Variants in NEMP2 observed in about 807,000 individuals in gnomAD.
The protein encoded by NEMP2 is UPF0571 transmembrane protein.
NEMP2 carries 53 observed loss-of-function variants against 54.2 expected under a neutral mutation model. The observed-to-expected ratio is 0.98, with a 90% CI of 0.78 to 1.23. NEMP2 has a LOEUF of 1.23. Among genes scored for constraint, NEMP2 ranks in the 50% most tolerant of loss-of-function variants. The pLI, the probability that NEMP2 is intolerant of heterozygous loss-of-function variation, is 0.00. For synonymous variants in NEMP2, 197 were observed against 190.3 expected, an observed-to-expected ratio of 1.04 and a Z score of -0.29; for missense variants, 455 against 511.3, an observed-to-expected ratio of 0.89 and a Z score of 1.06.
chr2:190,524,262 C>A (rs1369558506), intron 2 of NEMP2, among the ~76,000 whole-genome samples: 1 of 151,930 alleles, frequency 6.6e-6, no homozygotes, highest in African/African-American at 2.4e-5. Flanking sequence ...TGATAAATAT[C>A]ATCATGATTA....
the NEMP2 span, among the ~76,000 whole-genome samples, chr2:190,440,567 A>G: frequency 2.0e-5 from 3 of 152,246 alleles, no homozygotes; most frequent in African/African-American, 7.2e-5. Context: ...GAGTAGGATT[A>G]TAATCAAAAT....
chr2:190,518,759 GAAAAGA>G lies in NEMP2; in HGVS notation c.489_494del (p.Leu164_Phe165del). 6.5e-7 allele frequency: 1 copy of G among 1,543,550 alleles called. No homozygotes were observed. The highest frequency in any genetic ancestry group is 1.7e-4 in the Middle Eastern group (1 of 5,914). ...ACTGACTCAGGGTCCTTGCATAAAA[GAAAAGA>G]AAAACTCCTGCCACAAACACAAGGA... On this transcript the variant is annotated inframe_deletion, in exon 4 of 9. Coordinates refer to ENST00000409150, the MANE Select transcript of NEMP2 (RefSeq NM_001142645.2).
chr2:190,538,273 G>A (rs532386464), upstream of NEMP2, among the ~76,000 whole-genome samples: 1 of 152,012 alleles, frequency 6.6e-6, no homozygotes, highest in Admixed American at 6.6e-5. The surrounding 1 kb of genome is among the most constrained non-coding windows in gnomAD (Gnocchi z 4.1). Context: ...GTGACCTCCA[G>A]TTCCATCCAT....
chr2:190,482,583 A>T, the NEMP2 span, among the ~76,000 whole-genome samples: 1 of 152,066 alleles, frequency 6.6e-6, no homozygotes, highest in African/African-American at 2.4e-5. Context: ...GTACTGTGTC[A>T]GTTCTCACTC....
chr2:190,632,807 C>T, the NEMP2 span, among the ~76,000 whole-genome samples: 2 of 152,166 alleles, frequency 1.3e-5, no homozygotes, highest in African/African-American at 4.8e-5. This position sits in a 1 kb window ranked among gnomAD's most constrained non-coding sequence, Gnocchi z 4.8. Context: ...AAAAAAAAAT[C>T]CATGACCAAG....
chr2:190,612,492 G>A, the NEMP2 span, among the ~76,000 whole-genome samples: 1 of 151,864 alleles, frequency 6.6e-6, no homozygotes, highest in African/African-American at 2.4e-5. Context: ...TTTACTTTAG[G>A]ACAAGAATTT....
the NEMP2 span, chr2:190,489,939 C>A: frequency 1.5e-6 from 2 of 1,298,308 alleles, no homozygotes; most frequent in Admixed American, 2.1e-5. This position sits in a 1 kb window ranked among gnomAD's most constrained non-coding sequence, Gnocchi z 6.6. Flanking sequence ...CCCCGAGAAG[C>A]CTAGAAGTGG....
the NEMP2 span, among the ~76,000 whole-genome samples, chr2:190,566,614 A>T: frequency 2.6e-5 from 4 of 151,254 alleles, no homozygotes; most frequent in Non-Finnish European, 4.4e-5. Context: ...GAAAGAAAAT[A>T]AAAAAGAAAG....
At chr2:190,489,172 T>C in the NEMP2 span, among the ~76,000 whole-genome samples, 3 of 152,344 alleles carry the variant, frequency 2.0e-5, no homozygotes, top group East Asian at 1.9e-4. The surrounding 1 kb of genome is among the most constrained non-coding windows in gnomAD (Gnocchi z 6.6). Context: ...AAATTCATCA[T>C]TGTTATTCCA....
At chr2:190,453,833 G>T in the NEMP2 span, among the ~76,000 whole-genome samples, 1 of 152,172 alleles carries the variant, frequency 6.6e-6, no homozygotes, top group Admixed American at 6.6e-5. Context: ...GGCTTATCTG[G>T]TAAGTGCAAT....
chr2:190,514,642 A>G lies in NEMP2; in HGVS notation c.764T>C (p.Val255Ala). ...VLIVGFFSFVVCYKHGPLADD... is the reference protein window; with the variant it reads ...VLIVGFFSFVACYKHGPLADD... ...TGCAAGGGGCCCATGCTTGTAACAAACAACAAAGCTGAAAAATCCAACTAT... is the reference window on the plus strand; with the variant it reads ...TGCAAGGGGCCCATGCTTGTAACAAGCAACAAAGCTGAAAAATCCAACTAT... The change falls in exon 7 of 9, where the codon GTT (valine) becomes GCT (alanine). Residue 255 changes from valine (V) to alanine (A), a missense_variant. Val to Ala is a moderately conservative substitution (Grantham distance 64). Transcript: ENST00000409150. The surrounding 1 kb of genome is among the most constrained non-coding windows in gnomAD (Gnocchi z 5.7). 1 of 1,551,754 alleles carries G rather than the reference A, an allele frequency of 6.4e-7. No individual in the cohort carries two copies. Among genetic ancestry groups the G allele is most frequent in the Non-Finnish European group, 8.7e-7 (1 of 1,147,004 alleles).
At chr2:190,464,976 C>T in the NEMP2 span, 2 of 843,380 alleles carry the variant, frequency 2.4e-6, no homozygotes, top group Non-Finnish European at 2.9e-6. Flanking sequence ...GGTCTCACAA[C>T]TAACTACACT....
At chr2:190,452,405 A>T in the NEMP2 span, among the ~76,000 whole-genome samples, 1 of 152,236 alleles carries the variant, frequency 6.6e-6, no homozygotes, top group East Asian at 1.9e-4. Flanking sequence ...ATCGTGCTAA[A>T]TGCTTTTCCT....
chr2:190,445,896 C>T, the NEMP2 span, among the ~76,000 whole-genome samples: 1 of 151,968 alleles, frequency 6.6e-6, no homozygotes, highest in Admixed American at 6.6e-5. Context: ...CTAAGGATTA[C>T]AGAGCTGAGA....
chr2:190,436,465 A>C, the NEMP2 span: 8 of 1,614,184 alleles, frequency 5.0e-6, no homozygotes, highest in East Asian at 6.7e-5. The surrounding 1 kb of genome is among the most constrained non-coding windows in gnomAD (Gnocchi z 5.3). Context: ...GGTTTTATTC[A>C]ACCTGGGCAT....
chr2:190,542,818 C>T, the NEMP2 span, among the ~76,000 whole-genome samples: 4 of 152,144 alleles, frequency 2.6e-5, no homozygotes, highest in African/African-American at 9.7e-5. The surrounding 1 kb of genome is among the most constrained non-coding windows in gnomAD (Gnocchi z 4.6). Flanking sequence ...CTAAGTTTCC[C>T]TAAATCTGCT....
Position 190,509,347 on chromosome 2 carries a change from TATCTC to T in NEMP2, c.1131-40_1131-36del, listed in dbSNP as rs561585112. ...TTTTTGTTTTAAATAAAGTTAATGTTATCTCAGGAAGGTTTATTTGAAAGATAACA... is the reference window on the plus strand; with the variant it reads ...TTTTTGTTTTAAATAAAGTTAATGTTAGGAAGGTTTATTTGAAAGATAACA... On this transcript the variant is annotated intron_variant, in intron 8 of 8. Transcript: ENST00000409150. This position sits in a 1 kb window ranked among gnomAD's most constrained non-coding sequence, Gnocchi z 6.1. The T allele has an allele frequency of 1.7e-5, 26 of 1,546,236 alleles. No homozygotes were observed. The highest frequency in any genetic ancestry group is 1.1e-4 in the African/African-American group (8 of 72,984).
upstream of NEMP2, among the ~76,000 whole-genome samples, chr2:190,539,519 T>C (rs1337134358): frequency 6.6e-6 from 1 of 152,184 alleles, no homozygotes; most frequent in African/African-American, 2.4e-5. The surrounding 1 kb of genome is among the most constrained non-coding windows in gnomAD (Gnocchi z 4.1). Context: ...TTGTATTGAA[T>C]TTGTAGATCA....
the NEMP2 span, chr2:190,436,760 C>T: frequency 6.2e-7 from 1 of 1,614,212 alleles, no homozygotes; most frequent in Non-Finnish European, 8.5e-7. The surrounding 1 kb of genome is among the most constrained non-coding windows in gnomAD (Gnocchi z 5.3). Context: ...ACTTTGAACT[C>T]AAGCACAGCA....
Sources: allele counts gnomAD v4.1 joint callset (sites outside exome capture counted in the v4.1 genomes callset), GRCh38; gene constraint gnomAD v4.1.1; non-coding constraint Gnocchi (gnomAD v3.1); transcripts MANE v1.5; gene names NCBI Gene and HGNC (gene_info 2026-07-23, HGNC 2026-07-21).